Variants in PCSK5 observed in about 807,000 individuals in gnomAD.
PCSK5 encodes the protein proprotein convertase subtilisin/kexin type 5, also known as prohormone convertase 5.
In PCSK5, 129 loss-of-function variants were observed where a neutral mutation model predicts 233.2. The ratio of observed to expected loss-of-function variants is 0.55; its 90% CI spans 0.48 to 0.64. The LOEUF (loss-of-function observed/expected upper bound fraction) is 0.64. Among genes scored for constraint, PCSK5 ranks in the 30% least tolerant of loss-of-function variants. The pLI is 0.00. For synonymous variants in PCSK5, 825 were observed against 879.2 expected (o/e 0.94, Z 1.09); for missense variants, 2,076 against 2,430.1 (o/e 0.85, Z 3.06).
chr9:76,028,013 T>C (rs1312950892), intron 5 of PCSK5, among the ~76,000 whole-genome samples: 3 of 152,204 alleles, frequency 2.0e-5, no homozygotes, highest in Non-Finnish European at 4.4e-5. Context: ...CCATATGACC[T>C]AGAAAACTGT....
intron 1 of PCSK5, among the ~76,000 whole-genome samples, chr9:75,929,861 CTTTT>C (rs146665133): frequency 7.4e-6 from 1 of 135,152 alleles, no homozygotes; most frequent in African/African-American, 2.7e-5. Flanking sequence ...TGTCAGATCT[CTTTT>C]TTTTTTTTTT....
intron 22 of PCSK5, among the ~76,000 whole-genome samples, chr9:76,236,820 TA>T: frequency 6.6e-6 from 1 of 152,180 alleles, no homozygotes; most frequent in Non-Finnish European, 1.5e-5. Flanking sequence ...GTCCAAACAA[TA>T]AAAATGGGAT....
At chr9:75,902,440 T>C (rs2131203639) in intron 1 of PCSK5, among the ~76,000 whole-genome samples, 1 of 152,160 alleles carries the variant, frequency 6.6e-6, no homozygotes, top group East Asian at 1.9e-4. Context: ...ATAGCGGCTT[T>C]ACAAACAAAA....
chr9:76,075,991 G>T (rs1266387382), intron 7 of PCSK5, among the ~76,000 whole-genome samples: 2 of 152,088 alleles, frequency 1.3e-5, no homozygotes, highest in Non-Finnish European at 2.9e-5. Context: ...TCAGCTCAGG[G>T]TAAGTGTATG....
intron 24 of PCSK5, among the ~76,000 whole-genome samples, chr9:76,284,185 T>G (rs1426099161): frequency 6.6e-6 from 1 of 152,194 alleles, no homozygotes; most frequent in Non-Finnish European, 1.5e-5. Context: ...AATGTTCTAC[T>G]CTAGCACATC....
intron 35 of PCSK5, among the ~76,000 whole-genome samples, chr9:76,349,379 G>A (rs1236543801): frequency 2.0e-5 from 3 of 151,976 alleles, no homozygotes; most frequent in Non-Finnish European, 4.4e-5. Context: ...CCACAATAAC[G>A]TTCCAGAACA....
At chr9:76,030,141 A>G (rs1289693218) in intron 5 of PCSK5, among the ~76,000 whole-genome samples, 1 of 150,382 alleles carries the variant, frequency 6.6e-6, no homozygotes, top group Non-Finnish European at 1.5e-5. Flanking sequence ...AAGGATCAGC[A>G]ATACTTTAAG....
In PCSK5 at chr9:76,332,440, C is replaced by T. The variant is rs1352323466; in HGVS notation, c.4578C>T (p.Thr1526=). ...CPMNSLLLNT[T]CVKDCPEGYY... The stretch of plus-strand genomic sequence containing the variant: ...TTTTTTCTCCCATGACAGACACAAC[C>T]TGTGTGAAGGACTGCCCAGAGGGCT... Residue 1526 remains threonine (T), a synonymous_variant, in exon 34 of 38, where the codon ACC becomes ACT. Transcript: ENST00000674117. 1 of 1,610,970 alleles carries T rather than the reference C, an allele frequency of 6.2e-7. No homozygotes were observed. Among genetic ancestry groups the T allele is most frequent in the Non-Finnish European group, 8.5e-7 (1 of 1,178,872 alleles).
chr9:76,245,613 C>G (rs1476062502), intron 24 of PCSK5, among the ~76,000 whole-genome samples: 1 of 151,956 alleles, frequency 6.6e-6, no homozygotes, highest in African/African-American at 2.4e-5. Context: ...ACCAAGTATA[C>G]TAATTTTGCA....
At chr9:75,957,433 A>C (rs117558856) in intron 2 of PCSK5, among the ~76,000 whole-genome samples, 4,428 of 152,296 alleles carry the variant, frequency 0.029, 96 homozygotes, top group Middle Eastern at 0.088. Flanking sequence ...ATAGCAAATT[A>C]GTGACTCTAG....
intron 30 of PCSK5, among the ~76,000 whole-genome samples, chr9:76,316,120 G>T (rs1829023570): frequency 6.6e-6 from 1 of 151,974 alleles, no homozygotes. Flanking sequence ...TCTTGGCCAG[G>T]CCTAGCATTG....
intron 27 of PCSK5, among the ~76,000 whole-genome samples, chr9:76,298,271 C>T (rs1432413766): frequency 6.6e-6 from 1 of 152,012 alleles, no homozygotes; most frequent in Non-Finnish European, 1.5e-5. Flanking sequence ...TCCCTTTTGT[C>T]GAAGCACCAC....
chr9:75,898,321 A>T (rs556636579), intron 1 of PCSK5, among the ~76,000 whole-genome samples: 1 of 152,346 alleles, frequency 6.6e-6, no homozygotes, highest in South Asian at 2.1e-4. Flanking sequence ...CCAGCTGAAA[A>T]GCCAGAGGTA....
chr9:76,257,112 A>G (rs750584597), intron 24 of PCSK5, among the ~76,000 whole-genome samples: 1 of 152,158 alleles, frequency 6.6e-6, no homozygotes, highest in Admixed American at 6.5e-5. Flanking sequence ...CATGTCTGAC[A>G]TGCACCACTG....
intron 20 of PCSK5, among the ~76,000 whole-genome samples, chr9:76,207,917 C>T (rs1181665232): frequency 6.6e-6 from 1 of 152,118 alleles, no homozygotes; most frequent in Non-Finnish European, 1.5e-5. Context: ...GGCTCATGGT[C>T]CTGGAGGCTG....
chr9:75,895,607 C>T (rs1404601768), intron 1 of PCSK5, among the ~76,000 whole-genome samples: 1 of 152,156 alleles, frequency 6.6e-6, no homozygotes, highest in Non-Finnish European at 1.5e-5. Flanking sequence ...CATGGCAGGG[C>T]CCTCTTCCCT....
intron 24 of PCSK5, among the ~76,000 whole-genome samples, chr9:76,284,308 G>A (rs561737504): frequency 1.3e-5 from 2 of 152,050 alleles, no homozygotes; most frequent in African/African-American, 2.4e-5. Flanking sequence ...GACCCGGTGG[G>A]GGGTAACTGA....
chr9:76,078,704 T>C (rs191646683), intron 7 of PCSK5, among the ~76,000 whole-genome samples: 10 of 152,326 alleles, frequency 6.6e-5, no homozygotes, highest in African/African-American at 2.4e-4. Context: ...TGTACCAATG[T>C]CATGCTGTTT....
intron 10 of PCSK5, among the ~76,000 whole-genome samples, chr9:76,151,898 C>T (rs1181068102): frequency 6.6e-6 from 1 of 152,184 alleles, no homozygotes; most frequent in Non-Finnish European, 1.5e-5. Context: ...ATTTGGATCT[C>T]ACTGTTGAGT....
Sources: allele counts gnomAD v4.1 joint callset (sites outside exome capture counted in the v4.1 genomes callset), GRCh38; gene constraint gnomAD v4.1.1; transcripts MANE v1.5; gene names NCBI Gene and HGNC (gene_info 2026-07-23, HGNC 2026-07-21).